Variants in CNKSR3 observed in about 807,000 individuals in gnomAD.
The protein encoded by CNKSR3 is connector enhancer of kinase suppressor of ras 3.
CNKSR3 carries 36 observed loss-of-function variants against 67.7 expected under a neutral mutation model. The observed-to-expected ratio is 0.53, with a 90% CI of 0.41 to 0.70. The LOEUF is 0.70. Ranked by LOEUF, CNKSR3 falls within the 30% of genes least tolerant of loss-of-function variation. The probability of loss-of-function intolerance (pLI) is 0.00; values close to 1 mark genes in which losing one functional copy is unlikely to be tolerated. For missense variants in CNKSR3, 630 were observed against 695.2 expected, an observed-to-expected ratio of 0.91 and a Z score of 1.05; for synonymous variants, 281 against 271.4, an observed-to-expected ratio of 1.04 and a Z score of -0.35.
At position 154,387,703 on chromosome 6, in the gene CNKSR3, T is replaced by C. The variant is rs1027645091; in HGVS notation, c.*18651A>G. ...CAATTCTTCTGCTTTTAATGAAACA[T>C]AAGAAACTGTCAAGCTTTGGAAATT... is the stretch of plus-strand genomic sequence containing the variant. On this transcript the variant is annotated 3_prime_UTR_variant, in exon 13 of 13. Transcript: ENST00000607772. The C allele has an allele frequency of 2.0e-5, 3 of 152,190 alleles. No homozygotes were observed. Among genetic ancestry groups the C allele is most frequent in the African/African-American group, 7.2e-5 (3 of 41,452 alleles). 9.4% of individuals were successfully genotyped at this position (152,190 alleles called of 1,614,324 possible).
At chr6:154,453,142 C>T (rs1236006688) in intron 1 of CNKSR3, among the ~76,000 whole-genome samples, 2 of 152,160 alleles carry the variant, frequency 1.3e-5, no homozygotes, top group Non-Finnish European at 2.9e-5. Flanking sequence ...TCATGTACAG[C>T]ATAAATCAGT....
intron 1 of CNKSR3, among the ~76,000 whole-genome samples, chr6:154,481,510 C>T (rs1367504159): frequency 6.6e-6 from 1 of 152,196 alleles, no homozygotes. Context: ...CATCTCTCCT[C>T]GAGAAGTTCC....
At chr6:154,474,604 G>A (rs1374476096) in intron 1 of CNKSR3, among the ~76,000 whole-genome samples, 1 of 152,182 alleles carries the variant, frequency 6.6e-6, no homozygotes, top group Non-Finnish European at 1.5e-5. Context: ...ATAGACGGGG[G>A]CTTGCTAGAG....
chr6:154,488,195 A>G (rs894413163), intron 1 of CNKSR3, among the ~76,000 whole-genome samples: 4 of 152,344 alleles, frequency 2.6e-5, no homozygotes, highest in Admixed American at 1.3e-4. Flanking sequence ...ACCAAAGATG[A>G]TAATTACCAA....
intron 12 of CNKSR3, 78 bp from the exon 13 acceptor site, chr6:154,406,730 G>A: frequency 7.7e-7 from 1 of 1,302,486 alleles, no homozygotes; most frequent in South Asian, 1.4e-5. Context: ...CGCACTTTGG[G>A]AGGTCGAGGT....
chr6:154,413,121 C>CT (rs1467703304), intron 10 of CNKSR3, among the ~76,000 whole-genome samples: 3 of 147,470 alleles, frequency 2.0e-5, no homozygotes, highest in Non-Finnish European at 3.0e-5. Flanking sequence ...AAGCAACTAT[C>CT]TTTTTAAGAA....
intron 2 of CNKSR3, among the ~76,000 whole-genome samples, chr6:154,444,535 T>C (rs1249831503): frequency 6.6e-6 from 1 of 151,812 alleles, no homozygotes; most frequent in Non-Finnish European, 1.5e-5. Flanking sequence ...CCAGTGATCC[T>C]GGATCCAGCA....
chr6:154,453,466 A>G (rs990792488), intron 1 of CNKSR3, among the ~76,000 whole-genome samples: 1 of 152,210 alleles, frequency 6.6e-6, no homozygotes, highest in African/African-American at 2.4e-5. Flanking sequence ...ATGAGAGAAT[A>G]GAAGCATTGT....
chr6:154,502,561 G>A (rs548767837), intron 1 of CNKSR3, among the ~76,000 whole-genome samples: 3 of 152,142 alleles, frequency 2.0e-5, no homozygotes, highest in Non-Finnish European at 2.9e-5. Context: ...AACCAGGGAC[G>A]GGACAGGACC....
At chr6:154,468,391 T>TACACACAC (rs1491536675) in intron 1 of CNKSR3, among the ~76,000 whole-genome samples, 1 of 88,078 alleles carries the variant, frequency 1.1e-5, no homozygotes, top group Non-Finnish European at 2.2e-5. Context: ...ATATATATTT[T>TACACACAC]ATACACACAC....
intron 1 of CNKSR3, among the ~76,000 whole-genome samples, chr6:154,462,242 G>T (rs1190064910): frequency 8.1e-6 from 1 of 122,890 alleles, no homozygotes; most frequent in African/African-American, 3.3e-5. Flanking sequence ...CCCTCCCCCC[G>T]AAATTATACA....
chr6:154,416,750 G>GCAGAGTATTTGTCTACCA (rs1785032485), intron 9 of CNKSR3, among the ~76,000 whole-genome samples: 1 of 152,196 alleles, frequency 6.6e-6, no homozygotes, highest in South Asian at 2.1e-4. Flanking sequence ...GACTAAGTCT[G>GCAGAGTATTTGTCTACCA]CAGAGTATTT....
At chr6:154,478,369 C>A in intron 1 of CNKSR3, 1 of 153,140 alleles carries the variant, frequency 6.5e-6, no homozygotes. Context: ...TCCAAGGCTC[C>A]CCAGAAGCTT....
chr6:154,492,358 T>C (rs1048867782), intron 1 of CNKSR3, among the ~76,000 whole-genome samples: 7 of 152,114 alleles, frequency 4.6e-5, no homozygotes, highest in African/African-American at 1.7e-4. Flanking sequence ...AAAGATTTAA[T>C]ACCATCTGCA....
chr6:154,489,297 A>G (rs1007402754), intron 1 of CNKSR3, among the ~76,000 whole-genome samples: 7 of 152,168 alleles, frequency 4.6e-5, no homozygotes, highest in Non-Finnish European at 8.8e-5. Flanking sequence ...TTGGGAGGCC[A>G]AGGTGGGCAG....
At chr6:154,494,333 G>A (rs1181593467) in intron 1 of CNKSR3, among the ~76,000 whole-genome samples, 1 of 152,068 alleles carries the variant, frequency 6.6e-6, no homozygotes, top group Admixed American at 6.6e-5. Flanking sequence ...AGGGGAAACT[G>A]TCCCCATGAT....
rs1784705058 is a variant in CNKSR3, at chr6:154,400,488, T to G, written c.*5866A>C. 6.6e-6 allele frequency: 1 copy of G among 152,200 alleles called. No individual in the cohort carries two copies. The highest frequency in any genetic ancestry group is 2.4e-5 in the African/African-American group (1 of 41,444). The allele number at this position is 152,200 out of a possible 1,614,324, so 9.4% of individuals were successfully genotyped here. A position where few individuals can be genotyped will look rare whatever the true frequency, so the allele number is the denominator to read the frequency against. On this transcript the variant is annotated 3_prime_UTR_variant, in exon 13 of 13. Transcript: ENST00000607772. ...ATTTCTATGGAAGGGGAGTGCAGTA[T>G]GTGGCCCAAAGGTTCTGAAAAACTG...
Position 154,442,210 on chromosome 6 carries a change from T to A in CNKSR3, c.297A>T (p.Ile99=). Residue 99 remains isoleucine (I), a synonymous_variant, in exon 3 of 13, where the codon ATA becomes ATT. Coordinates refer to ENST00000607772, the MANE Select transcript of CNKSR3 (RefSeq NM_173515.4). ...AAGCGGGACTTTTCCGTCGGCTACT[T>A]ATGTAATTCTGTAAATTGTGGGAAG... is the stretch of plus-strand genomic sequence containing the variant. The part of the protein sequence containing the change: ...RASSHNLQNY[I]SSRRKSPAYD... 1.9e-6 allele frequency: 3 copies of A among 1,614,202 alleles called. No individual in the cohort carries two copies. Among genetic ancestry groups the A allele is most frequent in the Non-Finnish European group, 2.5e-6 (3 of 1,180,022 alleles).
intron 10 of CNKSR3, among the ~76,000 whole-genome samples, chr6:154,411,737 T>G (rs1784917407): frequency 6.6e-6 from 1 of 152,090 alleles, no homozygotes; most frequent in Admixed American, 6.6e-5. Context: ...TGCTTCTGTG[T>G]GTAGCTGAAT....
Sources: allele counts gnomAD v4.1 joint callset (sites outside exome capture counted in the v4.1 genomes callset), GRCh38; gene constraint gnomAD v4.1.1; transcripts MANE v1.5; gene names NCBI Gene and HGNC (gene_info 2026-07-23, HGNC 2026-07-21).